Variants in ARHGAP10 observed in about 807,000 individuals in gnomAD.
The protein encoded by ARHGAP10 is rho GTPase-activating protein 10.
Under a neutral mutation model 108.6 loss-of-function variants are expected in ARHGAP10, and 87 were observed. The observed-to-expected ratio is 0.80, with a 90% CI of 0.67 to 0.96. The LOEUF (loss-of-function observed/expected upper bound fraction) is 0.96, where lower values mean the gene tolerates loss of function less well. Ranked by LOEUF, ARHGAP10 falls within the 40% of genes least tolerant of loss-of-function variation. The pLI, the probability that ARHGAP10 is intolerant of heterozygous loss-of-function variation, is 0.00. For missense variants in ARHGAP10, 939 were observed against 954.5 expected (o/e 0.98, Z 0.21); for synonymous variants, 347 against 341.1 (o/e 1.02, Z -0.19).
In ARHGAP10 at chr4:147,870,928, CTGTGTGTGTGTG is replaced by C. The variant is rs57348496; in HGVS notation, c.703-4057_703-4046del. 1.4e-3 allele frequency among the ~76,000 whole-genome samples: 199 copies of C among 139,150 alleles called. 1 individual carries two copies. Among genetic ancestry groups the C allele is most frequent in the African/African-American group, 3.7e-3 (141 of 38,246 alleles). 91.3% of individuals were successfully genotyped at this position (139,150 alleles called of 152,430 possible). ...GAAAGTAGAATACCAAAACTACAGA[CTGTGTGTGTGTG>C]TGTGTGTGTGTGTGTGTGTGTGTGT... On this transcript the variant is annotated intron_variant, in intron 7 of 22. Transcript: ENST00000336498.
intron 1 of ARHGAP10, among the ~76,000 whole-genome samples, chr4:147,734,396 G>C (rs748585022): frequency 6.6e-6 from 1 of 152,108 alleles, no homozygotes; most frequent in African/African-American, 2.4e-5. Flanking sequence ...TTTGATTCTC[G>C]TCCTTTAGCA....
intron 1 of ARHGAP10, among the ~76,000 whole-genome samples, chr4:147,771,588 A>T (rs1018327321): frequency 3.3e-5 from 5 of 152,180 alleles, no homozygotes; most frequent in African/African-American, 1.2e-4. Context: ...TGTTGTGAGG[A>T]TTAAATGAAA....
At chr4:147,770,971 C>G (rs78335024) in intron 1 of ARHGAP10, among the ~76,000 whole-genome samples, 13,786 of 152,192 alleles carry the variant, frequency 0.091, 946 homozygotes, top group African/African-American at 0.19. Context: ...ACCTCTGTGC[C>G]TGTATCTTTG....
intron 18 of ARHGAP10, among the ~76,000 whole-genome samples, chr4:148,005,623 C>T (rs951592652): frequency 4.6e-5 from 7 of 152,100 alleles, no homozygotes; most frequent in Non-Finnish European, 8.8e-5. Flanking sequence ...TTTGACTAAT[C>T]TGTTGGGTAA....
chr4:147,732,186 G>C lies in ARHGAP10; in HGVS notation c.-116G>C, dbSNP rs1291263587. On this transcript the variant is annotated 5_prime_UTR_variant, in exon 1 of 23. Coordinates refer to ENST00000336498, the MANE Select transcript of ARHGAP10 (RefSeq NM_024605.4). ...CGTGCCGCGCTCGCCGCGCGCCCGG[G>C]CCTGCTAGCTCCTCTGTGCTCCCTG... The C allele has an allele frequency of 9.2e-7, 1 of 1,083,028 alleles. No homozygotes were observed. The highest frequency in any genetic ancestry group is 1.2e-6 in the Non-Finnish European group (1 of 821,758). The allele number at this position is 1,083,028 out of a possible 1,614,324, so 67.1% of individuals were successfully genotyped here.
rs529228968 is a variant in ARHGAP10 at position 148,064,376 on chromosome 4, A to T, written c.2181-40A>T. On this transcript the variant is annotated intron_variant, in intron 21 of 22. Coordinates refer to ENST00000336498, the MANE Select transcript of ARHGAP10 (RefSeq NM_024605.4). ...GGGGTGAAGTTTCTCTCTGTTTTCC[A>T]CATTTTCATTGGTGTCTTTTGTATT... 2.3e-5 allele frequency: 36 copies of T among 1,591,176 alleles called. No individual in the cohort carries two copies. The South Asian group carries it at 3.8e-4, about 17-fold the overall frequency.
Position 147,965,078 on chromosome 4 carries a change from T to G in ARHGAP10, c.1505T>G (p.Leu502Arg). ...GCGATCCATTTCTTGGTACACAAAC[T>G]GCCAGAGAAGAATAAAGAGATGTTG... Reference protein sequence around the residue: ...VNAIHFLVHKLPEKNKEMLDI... With the variant: ...VNAIHFLVHKRPEKNKEMLDI... Residue 502 changes from leucine (L) to arginine (R), a missense_variant, in exon 17 of 23, where the codon CTG (leucine) becomes CGG (arginine). Leu to Arg is a moderately radical substitution (Grantham distance 102). Transcript: ENST00000336498. The G allele has an allele frequency of 6.2e-7, 1 of 1,608,280 alleles. No individual in the cohort carries two copies. The highest frequency in any genetic ancestry group is 8.5e-7 in the Non-Finnish European group (1 of 1,177,022).
At chr4:147,904,825 T>G (rs896376711) in intron 10 of ARHGAP10, among the ~76,000 whole-genome samples, 67 of 152,312 alleles carry the variant, frequency 4.4e-4, no homozygotes, top group South Asian at 1.9e-3. Flanking sequence ...CCACAATGGT[T>G]GAACTAGTTT....
intron 14 of ARHGAP10, among the ~76,000 whole-genome samples, chr4:147,944,581 A>C (rs2635267): frequency 0.8 from 122,050 of 152,142 alleles, 52,733 homozygotes; most frequent in Non-Finnish European, 0.97. Flanking sequence ...ATGTGGTGGT[A>C]CCATTTTGAC....
At chr4:147,882,586 A>G (rs1735371313) in intron 10 of ARHGAP10, among the ~76,000 whole-genome samples, 1 of 152,234 alleles carries the variant, frequency 6.6e-6, no homozygotes, top group African/African-American at 2.4e-5. Context: ...GTAGCTAGCT[A>G]CTAATACAGA....
At chr4:148,022,660 G>A (rs1741611823) in intron 18 of ARHGAP10, among the ~76,000 whole-genome samples, 1 of 152,138 alleles carries the variant, frequency 6.6e-6, no homozygotes, top group African/African-American at 2.4e-5. Flanking sequence ...ATAGATCAAG[G>A]TGCTAATATT....
intron 18 of ARHGAP10, among the ~76,000 whole-genome samples, chr4:147,979,228 T>C (rs1414371425): frequency 6.6e-6 from 1 of 152,226 alleles, no homozygotes; most frequent in Non-Finnish European, 1.5e-5. Context: ...TAATTTATTG[T>C]ATATGATGAG....
intron 18 of ARHGAP10, among the ~76,000 whole-genome samples, chr4:147,997,162 TAAC>T (rs1309869504): frequency 6.6e-6 from 1 of 152,212 alleles, no homozygotes; most frequent in Non-Finnish European, 1.5e-5. Context: ...TAAAAAGTGT[TAAC>T]AAAGCTGTCC....
intron 3 of ARHGAP10, among the ~76,000 whole-genome samples, chr4:147,833,108 C>A (rs1374781062): frequency 1.3e-5 from 2 of 152,174 alleles, no homozygotes; most frequent in African/African-American, 4.8e-5. Context: ...TAAGAGCACC[C>A]TTTGAAGAAA....
chr4:147,798,042 G>A (rs1343202892), intron 1 of ARHGAP10, among the ~76,000 whole-genome samples: 1 of 152,060 alleles, frequency 6.6e-6, no homozygotes, highest in African/African-American at 2.4e-5. Context: ...TTTGTCCCCT[G>A]TTCAGGTGTT....
At chr4:148,040,955 T>C (rs566086274) in intron 19 of ARHGAP10, among the ~76,000 whole-genome samples, 9 of 152,206 alleles carry the variant, frequency 5.9e-5, no homozygotes, top group Non-Finnish European at 1.3e-4. Context: ...TCAGCAAAAC[T>C]TTCTTTTGAT....
chr4:148,019,468 C>T (rs1245253579), intron 18 of ARHGAP10, among the ~76,000 whole-genome samples: 1 of 152,004 alleles, frequency 6.6e-6, no homozygotes, highest in Non-Finnish European at 1.5e-5. Flanking sequence ...AAGTCTGGCC[C>T]GGCATGGGCA....
chr4:147,995,461 A>C (rs1296858074), intron 18 of ARHGAP10, among the ~76,000 whole-genome samples: 1 of 152,216 alleles, frequency 6.6e-6, no homozygotes, highest in Non-Finnish European at 1.5e-5. Flanking sequence ...AGGGAAGCTT[A>C]TCAAGTTAGA....
intron 22 of ARHGAP10, among the ~76,000 whole-genome samples, chr4:148,070,766 C>T (rs1730137520): frequency 6.6e-6 from 1 of 152,126 alleles, no homozygotes. Flanking sequence ...AGCCACCTTT[C>T]GAGTTGGTCC....
Sources: allele counts gnomAD v4.1 joint callset (sites outside exome capture counted in the v4.1 genomes callset), GRCh38; gene constraint gnomAD v4.1.1; transcripts MANE v1.5; gene names NCBI Gene and HGNC (gene_info 2026-07-23, HGNC 2026-07-21).